Variants in PKNOX1 observed in about 807,000 individuals in gnomAD.
PKNOX1 encodes the protein homeobox protein PKNOX1.
In PKNOX1, 15 loss-of-function variants were observed where a neutral mutation model predicts 51.9. The observed-to-expected ratio is 0.29, with a 90% CI of 0.19 to 0.45. The LOEUF (loss-of-function observed/expected upper bound fraction) is 0.45, where lower values mean the gene tolerates loss of function less well. Ranked by LOEUF, PKNOX1 falls within the 20% of genes least tolerant of loss-of-function variation. The pLI is 1.00. For synonymous variants in PKNOX1, 219 were observed against 211.1 expected (o/e 1.04, Z -0.32); for missense variants, 462 against 547.5 (o/e 0.84, Z 1.56).
At position 42,987,337 on chromosome 21, in the gene PKNOX1, G is replaced by T. The variant is rs372408692; in HGVS notation, c.-57+12673G>T. On this transcript the variant is annotated intron_variant, in intron 1 of 10. Coordinates refer to ENST00000291547, the MANE Select transcript of PKNOX1 (RefSeq NM_004571.5). ...GCGGAGGTTGCAGTGAGCTGAGATC[G>T]TGCCATTACACTCCAGCCTGGGCAA... 5.2e-5 allele frequency among the ~76,000 whole-genome samples: 7 copies of T among 134,114 alleles called. No homozygotes were observed. The East Asian group carries it at 1.5e-3, about 29-fold the overall frequency. 88.0% of individuals were successfully genotyped at this position (134,114 alleles called of 152,430 possible).
chr21:42,975,254 C>G lies in PKNOX1; in HGVS notation c.-57+590C>G, dbSNP rs573377663. Among the ~76,000 whole-genome samples the G allele has an allele frequency of 9.0e-5, 13 of 145,248 alleles. No homozygotes were observed. The East Asian group carries it at 2.7e-3, about 30-fold the overall frequency. On this transcript the variant is annotated intron_variant, in intron 1 of 10. Transcript: ENST00000291547. ...AAGATGGCGGCCGCGACCCCGGCCC[C>G]GGCCTCGGCCGTGGCGAGCGGGTGG...
chr21:42,978,105 A>G (rs1426151086), intron 1 of PKNOX1, among the ~76,000 whole-genome samples: 3 of 152,166 alleles, frequency 2.0e-5, no homozygotes, highest in South Asian at 2.1e-4. Context: ...TCCTGGGTGC[A>G]AGCAATTCTC....
intron 3 of PKNOX1, 26 bp from the exon 4 acceptor site, chr21:43,010,027 G>A (rs1190489227): frequency 6.8e-7 from 1 of 1,478,660 alleles, no homozygotes. Flanking sequence ...AACGTAAATG[G>A]ATTCTTTTTT....
intron 9 of PKNOX1, among the ~76,000 whole-genome samples, chr21:43,027,446 T>A (rs759536032): frequency 8.5e-5 from 13 of 152,162 alleles, no homozygotes; most frequent in Non-Finnish European, 1.9e-4. Flanking sequence ...TGTCCTCTAG[T>A]CACTGCAGGA....
chr21:43,016,926 A>G lies in PKNOX1; in HGVS notation c.541A>G (p.Thr181Ala), dbSNP rs1391917210. The part of the protein sequence containing the change: ...VQSQQIQSAI[T>A]GTISPQGIVV... The stretch of plus-strand genomic sequence containing the variant: ...CTTGCAGCAGATTCAAAGTGCCATC[A>G]CAGGCACCATCAGCCCTCAGGGAAT... Residue 181 changes from threonine (T) to alanine (A), a missense_variant, in exon 6 of 11, where the codon ACA (threonine) becomes GCA (alanine). Around this residue, in one of 5 missense-constraint regions of PKNOX1, gnomAD observed 126 missense variants for 128.1 expected, o/e 0.98. Transcript: ENST00000291547. The G allele has an allele frequency of 6.2e-7, 1 of 1,608,464 alleles. No individual in the cohort carries two copies. The highest frequency in any genetic ancestry group is 1.1e-5 in the South Asian group (1 of 90,950).
At chr21:43,014,242 C>T (rs1311171594) in intron 5 of PKNOX1, among the ~76,000 whole-genome samples, 1 of 152,020 alleles carries the variant, frequency 6.6e-6, no homozygotes, top group Non-Finnish European at 1.5e-5. Context: ...AGGATGGTCT[C>T]GATCTCCTGA....
At chr21:43,000,377 A>G (rs1978695779) in intron 1 of PKNOX1, among the ~76,000 whole-genome samples, 1 of 152,210 alleles carries the variant, frequency 6.6e-6, no homozygotes, top group African/African-American at 2.4e-5. Flanking sequence ...AAGCCTCACA[A>G]TCATGGCGGA....
chr21:43,002,034 G>A (rs1978783049), intron 1 of PKNOX1, among the ~76,000 whole-genome samples: 1 of 152,114 alleles, frequency 6.6e-6, no homozygotes, highest in Admixed American at 6.6e-5. Context: ...TTTATTTTTA[G>A]TATTGTAGGC....
rs148708381 is a variant in PKNOX1, at chr21:42,984,414, G to C, written c.-57+9750G>C. 2.8e-3 allele frequency among the ~76,000 whole-genome samples: 428 copies of C among 151,750 alleles called. 1 individual carries two copies. The highest frequency in any genetic ancestry group is 9.4e-3 in the African/African-American group (387 of 41,380). On this transcript the variant is annotated intron_variant, in intron 1 of 10. Coordinates refer to ENST00000291547, the MANE Select transcript of PKNOX1 (RefSeq NM_004571.5). Reference sequence around the variant, plus strand: ...TCTTTTTCTTTTTTTTTGAGACAGAGTTTTGCTCTTGTTGCTCAGGCTGGA... The same window carrying C: ...TCTTTTTCTTTTTTTTTGAGACAGACTTTTGCTCTTGTTGCTCAGGCTGGA...
At chr21:43,001,682 C>T (rs775952289) in intron 1 of PKNOX1, among the ~76,000 whole-genome samples, 26 of 152,040 alleles carry the variant, frequency 1.7e-4, no homozygotes, top group East Asian at 7.7e-4. Context: ...TAAAGTTGGC[C>T]GGGCTCAGTG....
At chr21:42,978,840 A>G (rs2059011931) in intron 1 of PKNOX1, among the ~76,000 whole-genome samples, 2 of 151,940 alleles carry the variant, frequency 1.3e-5, no homozygotes, top group Admixed American at 1.3e-4. Flanking sequence ...GGCAGGTCTC[A>G]AACTCCTGGC....
intron 9 of PKNOX1, among the ~76,000 whole-genome samples, chr21:43,025,205 A>C (rs1979938355): frequency 6.6e-6 from 1 of 152,140 alleles, no homozygotes; most frequent in African/African-American, 2.4e-5. Flanking sequence ...GAGTTCTTTT[A>C]ATGGGCAATG....
chr21:43,008,574 T>G (rs1210765836), intron 3 of PKNOX1, among the ~76,000 whole-genome samples: 1 of 152,014 alleles, frequency 6.6e-6, no homozygotes, highest in Non-Finnish European at 1.5e-5. Context: ...GGTCAGGAGT[T>G]CAAGACCAGA....
At chr21:42,985,944 T>C (rs1170029388) in intron 1 of PKNOX1, among the ~76,000 whole-genome samples, 2 of 145,012 alleles carry the variant, frequency 1.4e-5, no homozygotes, top group Non-Finnish European at 3.0e-5. Context: ...GAGATTGCAG[T>C]GAGCTGAAAT....
At chr21:42,996,074 G>A (rs564150232) in intron 1 of PKNOX1, among the ~76,000 whole-genome samples, 38 of 152,290 alleles carry the variant, frequency 2.5e-4, no homozygotes, top group African/African-American at 9.1e-4. Flanking sequence ...AATTAGCCAA[G>A]TGTGGTGGTG....
chr21:42,984,021 TC>T (rs1362649466), intron 1 of PKNOX1, among the ~76,000 whole-genome samples: 3 of 152,152 alleles, frequency 2.0e-5, no homozygotes, highest in African/African-American at 7.2e-5. Context: ...AAATATCTCT[TC>T]AAGTCCTTTG....
chr21:43,002,751 C>G (rs141623779), intron 1 of PKNOX1, among the ~76,000 whole-genome samples: 283 of 152,310 alleles, frequency 1.9e-3, no homozygotes, highest in African/African-American at 6.4e-3. Context: ...GAGTCTCGCT[C>G]TGTCACCCAG....
rs1254923494 is a variant in PKNOX1 at position 43,007,553 on chromosome 21, A to C, written c.114A>C (p.Glu38Asp). The change falls in exon 3 of 11, where the codon GAA becomes GAC. Residue 38 changes from glutamate to aspartate, a missense_variant. Around this residue, in one of 5 missense-constraint regions of PKNOX1, gnomAD observed 129 missense variants for 133.4 expected, o/e 0.97. Transcript: ENST00000291547. Reference protein sequence around the residue: ...QDPNCSEPDAEGVSPPPVESQ... With the variant: ...QDPNCSEPDADGVSPPPVESQ... Reference sequence around the variant, plus strand: ...CAAACTGCTCTGAACCCGATGCAGAAGGAGTGAGCCCTCCCCCTGTGGAGT... The same window carrying C: ...CAAACTGCTCTGAACCCGATGCAGACGGAGTGAGCCCTCCCCCTGTGGAGT... The C allele has an allele frequency of 6.2e-7, 1 of 1,614,104 alleles. No homozygotes were observed. The highest frequency in any genetic ancestry group is 8.5e-7 in the Non-Finnish European group (1 of 1,179,920).
chr21:43,029,311 C>T (rs115210811), intron 10 of PKNOX1, among the ~76,000 whole-genome samples: 307 of 152,156 alleles, frequency 2.0e-3, no homozygotes, highest in African/African-American at 6.8e-3. Flanking sequence ...CATCCCCTGA[C>T]GTAGGCAGCC....
Sources: allele counts gnomAD v4.1 joint callset (sites outside exome capture counted in the v4.1 genomes callset), GRCh38; gene constraint gnomAD v4.1.1; regional missense constraint gnomAD v4.1.1; transcripts MANE v1.5; gene names NCBI Gene and HGNC (gene_info 2026-07-23, HGNC 2026-07-21).